The following SUFU variants were observed in gnomAD, a reference collection of about 807,000 sequenced individuals.
The protein encoded by SUFU is SUFU negative regulator of hedgehog signaling, also known as suppressor of fused homolog.
In SUFU, 7 loss-of-function variants were observed where a neutral mutation model predicts 58.9. The ratio of observed to expected loss-of-function variants is 0.12; its 90% CI spans 0.07 to 0.22. The LOEUF (loss-of-function observed/expected upper bound fraction) is 0.22, where lower values mean the gene tolerates loss of function less well. Among genes scored for constraint, SUFU ranks in the 10% least tolerant of loss-of-function variants. SUFU has a pLI of 1.00. For missense variants in SUFU, 451 were observed against 641.3 expected (o/e 0.70, Z 3.20); for synonymous variants, 232 against 254.8 (o/e 0.91, Z 0.85).
Position 102,504,445 on chromosome 10 carries a change from A to G in SUFU, c.182+111A>G, listed in dbSNP as rs964714048. ...AGGAGGGGTAGAGAATGGTTAAAGCACTCAGAAGGAGGGCTTCTTGCTGCG... is the reference window on the plus strand; with the variant it reads ...AGGAGGGGTAGAGAATGGTTAAAGCGCTCAGAAGGAGGGCTTCTTGCTGCG... On this transcript the variant is annotated intron_variant, in intron 1 of 11. Coordinates refer to ENST00000369902, the MANE Select transcript of SUFU (RefSeq NM_016169.4). 1.9e-5 allele frequency: 29 copies of G among 1,531,808 alleles called. No individual in the cohort carries two copies. In the African/African-American group the frequency reaches 3.2e-4, roughly 17 times the overall value. 94.9% of individuals were successfully genotyped at this position (1,531,808 alleles called of 1,614,324 possible). A position where few individuals can be genotyped will look rare whatever the true frequency, so the allele number is the denominator to read the frequency against.
intron 8 of SUFU, 140 bp from the exon 9 acceptor site, chr10:102,615,128 C>A: frequency 7.7e-7 from 1 of 1,304,620 alleles, no homozygotes; most frequent in Non-Finnish European, 1.1e-6. Flanking sequence ...CAGGCATATA[C>A]AGAATGATGG....
intron 2 of SUFU, among the ~76,000 whole-genome samples, chr10:102,515,081 A>T (rs1331132077): frequency 6.6e-6 from 1 of 151,740 alleles, no homozygotes; most frequent in Non-Finnish European, 1.5e-5. Context: ...GCAGTTCTGC[A>T]CCCCCCGTGG....
At chr10:102,579,832 A>G (rs746317752) in intron 3 of SUFU, 2 of 985,376 alleles carry the variant, frequency 2.0e-6, no homozygotes, top group Non-Finnish European at 2.4e-6. Flanking sequence ...AAGTGATAAA[A>G]CTGCATCCAG....
intron 11 of SUFU, 93 bp downstream of exon 11, chr10:102,627,336 T>A: frequency 1.7e-6 from 2 of 1,177,472 alleles, no homozygotes; most frequent in Non-Finnish European, 2.6e-6. Flanking sequence ...TGTGTGCGTG[T>A]GTACCTGTGG....
intron 2 of SUFU, among the ~76,000 whole-genome samples, chr10:102,533,706 C>T (rs2135703144): frequency 6.6e-6 from 1 of 152,314 alleles, no homozygotes. Context: ...ATTCTCACGT[C>T]ACATCTCTCT....
chr10:102,504,964 C>A (rs1483229932), intron 1 of SUFU, among the ~76,000 whole-genome samples: 2 of 152,162 alleles, frequency 1.3e-5, no homozygotes, highest in Admixed American at 6.5e-5. Context: ...GCAGCTCTTC[C>A]TGATAAACTT....
chr10:102,611,959 G>A (rs2063628524), intron 8 of SUFU, among the ~76,000 whole-genome samples: 2 of 152,184 alleles, frequency 1.3e-5, no homozygotes, highest in Non-Finnish European at 1.5e-5. Context: ...CCCTCCACTG[G>A]GAACTCAGGG....
chr10:102,564,976 T>C (rs1416704492), intron 3 of SUFU, among the ~76,000 whole-genome samples: 2 of 152,226 alleles, frequency 1.3e-5, no homozygotes, highest in Non-Finnish European at 2.9e-5. Flanking sequence ...GTTTGTGCCC[T>C]AAAATTTAAG....
intron 2 of SUFU, among the ~76,000 whole-genome samples, chr10:102,530,301 G>A (rs541533449): frequency 1.2e-4 from 18 of 152,024 alleles, no homozygotes; most frequent in Non-Finnish European, 2.4e-4. Context: ...TCCAAAGATC[G>A]TGAGACTAAG....
chr10:102,525,756 G>T (rs750281422), intron 2 of SUFU, among the ~76,000 whole-genome samples: 5 of 151,954 alleles, frequency 3.3e-5, no homozygotes, highest in Non-Finnish European at 5.9e-5. Flanking sequence ...CACCTGCCTC[G>T]GTGTCCCAAA....
chr10:102,622,360 A>T (rs2063746574), intron 10 of SUFU, among the ~76,000 whole-genome samples: 1 of 152,090 alleles, frequency 6.6e-6, no homozygotes, highest in South Asian at 2.1e-4. Flanking sequence ...AATCAGTCCC[A>T]GCACTTTGGG....
intron 2 of SUFU, among the ~76,000 whole-genome samples, chr10:102,544,594 G>A (rs2062834847): frequency 6.6e-6 from 1 of 152,072 alleles, no homozygotes; most frequent in Non-Finnish European, 1.5e-5. Flanking sequence ...AACTACTTGG[G>A]AGGCTGAGGC....
intron 2 of SUFU, among the ~76,000 whole-genome samples, chr10:102,526,752 TC>T (rs2062612599): frequency 6.6e-6 from 1 of 151,998 alleles, no homozygotes; most frequent in South Asian, 2.1e-4. Context: ...TTCACATTAT[TC>T]TGTGCAATTG....
In SUFU at chr10:102,632,120, G is replaced by A. The variant is rs2063842959; in HGVS notation, c.*1965G>A. ...ACCTGCCTGAGGGCTCCCTGCTGCAGTTCGCCGTACTTCCATCTGCTGGGT... is the reference window on the plus strand; with the variant it reads ...ACCTGCCTGAGGGCTCCCTGCTGCAATTCGCCGTACTTCCATCTGCTGGGT... On this transcript the variant is annotated 3_prime_UTR_variant, in exon 12 of 12. Transcript: ENST00000369902. 1 of 233,330 alleles carries A rather than the reference G, an allele frequency of 4.3e-6. No homozygotes were observed. Among genetic ancestry groups the A allele is most frequent in the African/African-American group, 2.2e-5 (1 of 45,356 alleles). 14.5% of individuals were successfully genotyped at this position (233,330 alleles called of 1,614,324 possible).
chr10:102,589,219 T>C (rs2063367682), intron 3 of SUFU, among the ~76,000 whole-genome samples: 1 of 151,570 alleles, frequency 6.6e-6, no homozygotes, highest in Admixed American at 6.6e-5. Context: ...TGAGCCACCA[T>C]GCATGGCCTT....
intron 3 of SUFU, chr10:102,579,781 C>G (rs182234496): frequency 1.0e-6 from 1 of 981,772 alleles, no homozygotes; most frequent in Non-Finnish European, 1.2e-6. Context: ...ACAGAGCTAG[C>G]TGAGGGAAGC....
At chr10:102,538,647 A>G (rs767303456) in intron 2 of SUFU, among the ~76,000 whole-genome samples, 3 of 152,142 alleles carry the variant, frequency 2.0e-5, no homozygotes, top group Non-Finnish European at 4.4e-5. Context: ...ACACACATGT[A>G]TGCAGCCTCT....
chr10:102,578,201 G>A (rs1449983229), intron 3 of SUFU, among the ~76,000 whole-genome samples: 12 of 150,206 alleles, frequency 8.0e-5, no homozygotes, highest in Admixed American at 4.0e-4. Context: ...CCAGCTACTC[G>A]GGATCGCGCC....
intron 2 of SUFU, among the ~76,000 whole-genome samples, chr10:102,540,362 C>G (rs902744736): frequency 6.6e-6 from 1 of 152,034 alleles, no homozygotes; most frequent in Non-Finnish European, 1.5e-5. Flanking sequence ...AAAGCTATAC[C>G]TATGGGGGCC....
Sources: allele counts gnomAD v4.1 joint callset (sites outside exome capture counted in the v4.1 genomes callset), GRCh38; gene constraint gnomAD v4.1.1; transcripts MANE v1.5; gene names NCBI Gene and HGNC (gene_info 2026-07-23, HGNC 2026-07-21).